The following RELN variants were observed in gnomAD, a reference collection of about 807,000 sequenced individuals.
The protein encoded by RELN is reelin.
RELN carries 108 observed loss-of-function variants against 427.6 expected under a neutral mutation model. The ratio of observed to expected loss-of-function variants is 0.25; its 90% CI spans 0.22 to 0.30. The LOEUF is 0.30. Among genes scored for constraint, RELN ranks in the 10% least tolerant of loss-of-function variants. The pLI, the probability that RELN is intolerant of heterozygous loss-of-function variation, is 1.00. For synonymous variants in RELN, 1,524 were observed against 1,513.4 expected (o/e 1.01, Z -0.16); for missense variants, 3,715 against 4,302.8 (o/e 0.86, Z 3.82).
At chr7:103,938,790 G>C (rs1796043731) in intron 1 of RELN, among the ~76,000 whole-genome samples, 2 of 152,166 alleles carry the variant, frequency 1.3e-5, no homozygotes, top group South Asian at 4.2e-4. Context: ...ATGTCACCTG[G>C]ATCTATCTAG....
intron 20 of RELN, among the ~76,000 whole-genome samples, chr7:103,612,645 T>C (rs936664240): frequency 2.6e-5 from 4 of 152,176 alleles, no homozygotes; most frequent in African/African-American, 9.7e-5. Context: ...AGTAGCTGTG[T>C]TTGGTGGCAG....
chr7:103,704,445 A>C (rs1043315816), intron 8 of RELN, among the ~76,000 whole-genome samples: 1 of 151,998 alleles, frequency 6.6e-6, no homozygotes, highest in African/African-American at 2.4e-5. Flanking sequence ...TTTCACCACA[A>C]ATCCACACGT....
At chr7:103,649,886 T>C (rs2117384831) in intron 16 of RELN, among the ~76,000 whole-genome samples, 1 of 152,164 alleles carries the variant, frequency 6.6e-6, no homozygotes, top group East Asian at 1.9e-4. Flanking sequence ...CCAGATGTTG[T>C]GGTAGTTACT....
At chr7:103,591,381 C>T (rs531026264) in intron 27 of RELN, among the ~76,000 whole-genome samples, 1 of 152,234 alleles carries the variant, frequency 6.6e-6, no homozygotes, top group South Asian at 2.1e-4. Context: ...TCAGTTAATC[C>T]TCATGACTGT....
At chr7:103,839,282 A>G (rs1313714873) in intron 2 of RELN, among the ~76,000 whole-genome samples, 3 of 147,692 alleles carry the variant, frequency 2.0e-5, no homozygotes, top group Non-Finnish European at 3.0e-5. Context: ...TTCAAACACT[A>G]TGACTATACA....
chr7:103,972,937 A>G (rs1796795760), intron 1 of RELN, among the ~76,000 whole-genome samples: 1 of 146,052 alleles, frequency 6.8e-6, no homozygotes, highest in South Asian at 2.1e-4. Flanking sequence ...GATTAGATAG[A>G]AAAACTTTAT....
In RELN at chr7:103,829,165, T is replaced by C. The variant is rs187879655; in HGVS notation, c.473+4372A>G. On this transcript the variant is annotated intron_variant, in intron 3 of 64. Coordinates refer to ENST00000428762, the MANE Select transcript of RELN (RefSeq NM_005045.4). ...TAAAAGAGGTAAATAGAAAAGTGGC[T>C]GGCACATTGTAAATTTTCAAAAATA... Among the ~76,000 whole-genome samples, 256 of 152,144 alleles carry C rather than the reference T, an allele frequency of 1.7e-3. 1 individual carries two copies. Among genetic ancestry groups the C allele is most frequent in the African/African-American group, 6.0e-3 (248 of 41,558 alleles).
intron 51 of RELN, among the ~76,000 whole-genome samples, chr7:103,507,365 A>G (rs530205896): frequency 6.6e-6 from 1 of 152,366 alleles, no homozygotes; most frequent in Non-Finnish European, 1.5e-5. Flanking sequence ...ATTAGAACTC[A>G]GGATTAAGAA....
intron 6 of RELN, among the ~76,000 whole-genome samples, chr7:103,730,459 C>G (rs997895833): frequency 2.0e-5 from 3 of 151,676 alleles, no homozygotes; most frequent in Non-Finnish European, 4.4e-5. Flanking sequence ...TGGAGAATCA[C>G]TTCTATGTGG....
intron 1 of RELN, among the ~76,000 whole-genome samples, chr7:103,966,940 A>C (rs1796671819): frequency 6.6e-6 from 1 of 152,186 alleles, no homozygotes; most frequent in African/African-American, 2.4e-5. Context: ...GTCACTGATG[A>C]GTCTACCTTT....
chr7:103,561,036 C>T (rs767699056), intron 36 of RELN, among the ~76,000 whole-genome samples: 19 of 152,092 alleles, frequency 1.2e-4, no homozygotes, highest in Non-Finnish European at 1.2e-4. Flanking sequence ...TTAACATTCT[C>T]TCTAACCAGA....
rs144715494 is a variant in RELN at position 103,745,880 on chromosome 7, T to C, written c.656+3546A>G. ...AGATTCAATGCCAACCCAATGAAGC[T>C]ACCAATGACTTTCTTCACAGAACTG... On this transcript the variant is annotated intron_variant, in intron 6 of 64. Coordinates refer to ENST00000428762, the MANE Select transcript of RELN (RefSeq NM_005045.4). Among the ~76,000 whole-genome samples the C allele has an allele frequency of 4.4e-3, 675 of 152,342 alleles. 6 individuals carry two copies. The highest frequency in any genetic ancestry group is 0.015 in the African/African-American group (636 of 41,580).
intron 6 of RELN, among the ~76,000 whole-genome samples, chr7:103,741,827 G>A (rs1196469847): frequency 1.3e-5 from 2 of 152,162 alleles, no homozygotes; most frequent in African/African-American, 2.4e-5. Context: ...CAAGATGGCC[G>A]AATAGGAACA....
intron 4 of RELN, among the ~76,000 whole-genome samples, chr7:103,775,250 C>A (rs1791709241): frequency 6.6e-6 from 1 of 151,982 alleles, no homozygotes; most frequent in Admixed American, 6.6e-5. Flanking sequence ...TTGAGCCTAC[C>A]TACAAAGGCA....
chr7:103,753,769 T>C (rs1396056093), intron 4 of RELN, among the ~76,000 whole-genome samples: 1 of 152,238 alleles, frequency 6.6e-6, no homozygotes, highest in African/African-American at 2.4e-5. Flanking sequence ...ATCTTCTAAA[T>C]TGTCTGCAAA....
chr7:103,644,585 G>T (rs1165363052), intron 16 of RELN, among the ~76,000 whole-genome samples: 2 of 151,012 alleles, frequency 1.3e-5, no homozygotes, highest in African/African-American at 2.4e-5. Flanking sequence ...CTGAAAGAAA[G>T]AACAAGAATT....
chr7:103,631,003 T>C (rs1832450706), intron 19 of RELN, among the ~76,000 whole-genome samples: 1 of 152,092 alleles, frequency 6.6e-6, no homozygotes, highest in African/African-American at 2.4e-5. Flanking sequence ...GGCTTTCATA[T>C]TTTTATTGTG....
chr7:103,603,249 G>T lies in RELN; in HGVS notation c.3333+55C>A. On this transcript the variant is annotated intron_variant, in intron 24 of 64. Transcript: ENST00000428762. This position sits in a 1 kb window ranked among gnomAD's most constrained non-coding sequence, Gnocchi z 4.3. ...CATATTTGTACATTTGGAATTCAGAGTCTCATATTAAACTAGCCATTGCCC... is the reference window on the plus strand; with the variant it reads ...CATATTTGTACATTTGGAATTCAGATTCTCATATTAAACTAGCCATTGCCC... The T allele has an allele frequency of 7.3e-7, 1 of 1,365,402 alleles. No individual in the cohort carries two copies. The highest frequency in any genetic ancestry group is 1.0e-6 in the Non-Finnish European group (1 of 953,514). 84.6% of individuals were successfully genotyped at this position (1,365,402 alleles called of 1,614,324 possible).
intron 2 of RELN, among the ~76,000 whole-genome samples, chr7:103,892,281 A>C (rs1794867536): frequency 6.6e-6 from 1 of 152,196 alleles, no homozygotes; most frequent in African/African-American, 2.4e-5. Context: ...AAAGCCTTCC[A>C]TGCTGACCAA....
Sources: allele counts gnomAD v4.1 joint callset (sites outside exome capture counted in the v4.1 genomes callset), GRCh38; gene constraint gnomAD v4.1.1; non-coding constraint Gnocchi (gnomAD v3.1); transcripts MANE v1.5; gene names NCBI Gene and HGNC (gene_info 2026-07-23, HGNC 2026-07-21).